Variants in TMEM178A observed in about 807,000 individuals in gnomAD.
The protein encoded by TMEM178A is transmembrane protein 178A.
TMEM178A carries 12 observed loss-of-function variants against 29.1 expected under a neutral mutation model. The observed-to-expected ratio is 0.41, with a 90% CI of 0.26 to 0.67. TMEM178A has a LOEUF of 0.67. TMEM178A is among the 30% of genes least tolerant of loss of function. TMEM178A has a pLI of 0.29. For synonymous variants in TMEM178A, 210 were observed against 187.2 expected (o/e 1.12, Z -0.99); for missense variants, 366 against 419.1 (o/e 0.87, Z 1.11).
intron 3 of TMEM178A, among the ~76,000 whole-genome samples, chr2:39,708,577 C>A (rs1672153265): frequency 6.6e-6 from 1 of 150,946 alleles, no homozygotes; most frequent in Non-Finnish European, 1.5e-5. Flanking sequence ...CGCCACCATG[C>A]CCGGCTAATT....
the TMEM178A span, among the ~76,000 whole-genome samples, chr2:39,729,085 T>A: frequency 2.6e-5 from 4 of 151,810 alleles, no homozygotes; most frequent in African/African-American, 9.7e-5. Flanking sequence ...AGAAAAGGAA[T>A]TCATTAAAAA....
chr2:39,705,114 G>A (rs764282299), intron 2 of TMEM178A, among the ~76,000 whole-genome samples: 6 of 152,202 alleles, frequency 3.9e-5, no homozygotes, highest in Non-Finnish European at 8.8e-5. Flanking sequence ...GCTCAGGTCA[G>A]GGGAGAAAAG....
intron 1 of TMEM178A, among the ~76,000 whole-genome samples, chr2:39,676,165 T>G (rs770132135): frequency 3.9e-5 from 6 of 152,252 alleles, no homozygotes; most frequent in Non-Finnish European, 8.8e-5. Flanking sequence ...GATAAAGTGC[T>G]TGATAAACAT....
At chr2:39,665,864 G>T (rs1162135354), upstream of TMEM178A, 2 of 1,002,764 alleles carry the variant, frequency 2.0e-6, no homozygotes, top group East Asian at 3.4e-5. Flanking sequence ...GGAGGGAGGT[G>T]GGGGGCAGGT....
At chr2:39,719,821 T>C (rs965348273), downstream of TMEM178A, among the ~76,000 whole-genome samples, 2 of 152,180 alleles carry the variant, frequency 1.3e-5, no homozygotes, top group Non-Finnish European at 2.9e-5. Context: ...AGGACTACCA[T>C]GGACCCTCGA....
At chr2:39,724,698 C>T in the TMEM178A span, among the ~76,000 whole-genome samples, 9 of 152,268 alleles carry the variant, frequency 5.9e-5, no homozygotes, top group South Asian at 2.1e-4. Context: ...AAGACAGCCT[C>T]GGAGGCATAT....
At chr2:39,726,792 T>C in the TMEM178A span, among the ~76,000 whole-genome samples, 2 of 152,044 alleles carry the variant, frequency 1.3e-5, no homozygotes, top group Admixed American at 1.3e-4. Flanking sequence ...GTAGAAATAA[T>C]GTGTAAGGGT....
chr2:39,687,301 GA>G (rs1469218907), intron 1 of TMEM178A: 2 of 166,990 alleles, frequency 1.2e-5, no homozygotes, highest in Non-Finnish European at 2.9e-5. Context: ...GAAGTATAAG[GA>G]ATTCAGTTTA....
intron 1 of TMEM178A, among the ~76,000 whole-genome samples, chr2:39,676,506 T>C (rs573709861): frequency 2.6e-5 from 4 of 152,196 alleles, no homozygotes; most frequent in African/African-American, 9.7e-5. Context: ...GAAGGCGTCC[T>C]GCAGACTTCC....
At chr2:39,711,065 A>G (rs1672279376) in intron 3 of TMEM178A, among the ~76,000 whole-genome samples, 2 of 152,154 alleles carry the variant, frequency 1.3e-5, no homozygotes, top group African/African-American at 2.4e-5. Flanking sequence ...AGCCAGGGGC[A>G]GCCTGCACAT....
In TMEM178A at chr2:39,666,718, CAT is replaced by C. The variant is rs1293079029; in HGVS notation, c.400+345_400+346del. ...TCTCTGCCTTTGTACACCTGCCTGACATGTGTGTCTTTTCTTGACGCTGCTCC... is the reference window on the plus strand; with the variant it reads ...TCTCTGCCTTTGTACACCTGCCTGACGTGTGTCTTTTCTTGACGCTGCTCC... On this transcript the variant is annotated intron_variant, in intron 1 of 3. Transcript: ENST00000281961. Among the ~76,000 whole-genome samples, 10 of 152,202 alleles carry C rather than the reference CAT, an allele frequency of 6.6e-5. No individual in the cohort carries two copies. In the East Asian group the frequency reaches 1.3e-3, roughly 21 times the overall value.
At position 39,665,924 on chromosome 2, in the gene TMEM178A, G is replaced by A; in HGVS notation, c.-51G>A. The A allele has an allele frequency of 7.5e-7, 1 of 1,340,872 alleles. No individual in the cohort carries two copies. Among genetic ancestry groups the A allele is most frequent in the Non-Finnish European group, 9.5e-7 (1 of 1,050,286 alleles). The allele number at this position is 1,340,872 out of a possible 1,614,324, so 83.1% of individuals were successfully genotyped here. On this transcript the variant is annotated 5_prime_UTR_variant, in exon 1 of 4. Coordinates refer to ENST00000281961, the MANE Select transcript of TMEM178A (RefSeq NM_152390.3). ...GGAGAGCTGGGGCCAAGTGCATTGT[G>A]TCTGGCGGCGGCGCGCGAGCCCACC...
intron 1 of TMEM178A, among the ~76,000 whole-genome samples, chr2:39,674,892 C>G (rs79715637): frequency 9.9e-5 from 15 of 151,994 alleles, no homozygotes; most frequent in Non-Finnish European, 1.5e-4. Flanking sequence ...AAAATAAGCA[C>G]GCGTAGAATA....
chr2:39,719,042 A>AGGGGTTGG (rs1316308249), downstream of TMEM178A, among the ~76,000 whole-genome samples: 1 of 152,174 alleles, frequency 6.6e-6, no homozygotes, highest in African/African-American at 2.4e-5. Context: ...AAGGGCCGAA[A>AGGGGTTGG]GGGGTTGGAG....
chr2:39,733,145 T>C, the TMEM178A span, among the ~76,000 whole-genome samples: 1 of 152,128 alleles, frequency 6.6e-6, no homozygotes, highest in Admixed American at 6.5e-5. Flanking sequence ...ACTGAGAAAG[T>C]TGAAGTAGTT....
chr2:39,730,258 G>C, the TMEM178A span, among the ~76,000 whole-genome samples: 1 of 152,136 alleles, frequency 6.6e-6, no homozygotes, highest in Non-Finnish European at 1.5e-5. Context: ...GAATGACCCT[G>C]GGTGCTCAGA....
intron 1 of TMEM178A, chr2:39,687,475 G>C (rs1198738785): frequency 6.0e-6 from 1 of 167,016 alleles, no homozygotes; most frequent in African/African-American, 2.4e-5. Context: ...TGCATGTCTA[G>C]GGCTCTGAGG....
At chr2:39,679,957 G>A (rs1242804674) in intron 1 of TMEM178A, among the ~76,000 whole-genome samples, 1 of 152,134 alleles carries the variant, frequency 6.6e-6, no homozygotes, top group African/African-American at 2.4e-5. Flanking sequence ...CGTGGGGTGT[G>A]AGGGTGCTCT....
chr2:39,730,796 A>C, the TMEM178A span, among the ~76,000 whole-genome samples: 2 of 152,228 alleles, frequency 1.3e-5, no homozygotes, highest in Non-Finnish European at 2.9e-5. Flanking sequence ...ATAAGATGCA[A>C]ACATTTTAAT....
Sources: gnomAD v4.1 joint callset for allele counts (sites outside exome capture counted in the v4.1 genomes callset) on GRCh38, gnomAD v4.1.1 for gene constraint, MANE v1.5 for transcripts, NCBI Gene and HGNC (gene_info 2026-07-23, HGNC 2026-07-21) for gene names.